The following GJC3 variants were observed in gnomAD, a reference collection of about 807,000 sequenced individuals.
GJC3 encodes gap junction protein gamma 3, also known as gap junction gamma-3 protein.
In GJC3, 17 loss-of-function variants were observed where a neutral mutation model predicts 19.8. The observed-to-expected ratio is 0.86, with a 90% CI of 0.59 to 1.29. The LOEUF (loss-of-function observed/expected upper bound fraction) is 1.29, where lower values mean the gene tolerates loss of function less well. Ranked by LOEUF, GJC3 falls within the 50% of genes most tolerant of loss-of-function variation. The pLI, the probability that GJC3 is intolerant of heterozygous loss-of-function variation, is 0.00. For synonymous variants in GJC3, 140 were observed against 136.5 expected (o/e 1.03, Z -0.18); for missense variants, 317 against 332.5 (o/e 0.95, Z 0.36).
At chr7:99,926,524 C>A (rs1310964927) in intron 1 of GJC3, among the ~76,000 whole-genome samples, 1 of 152,146 alleles carries the variant, frequency 6.6e-6, no homozygotes, top group African/African-American at 2.4e-5. Context: ...AATACTGAAA[C>A]ATGCCACAAC....
rs779792700 is a variant in GJC3, at chr7:99,923,343, C to A, written c.*202G>T. ...GAATAATTCCCCAAAGCAATGCCTCCCTGAGCAATGGTGCAAACATGGCTT... is the reference window on the plus strand; with the variant it reads ...GAATAATTCCCCAAAGCAATGCCTCACTGAGCAATGGTGCAAACATGGCTT... On this transcript the variant is annotated 3_prime_UTR_variant, in exon 2 of 2. Transcript: ENST00000312891. 1.6e-6 allele frequency: 1 copy of A among 617,956 alleles called. No individual in the cohort carries two copies. The allele number at this position is 617,956 out of a possible 1,614,324, so 38.3% of individuals were successfully genotyped here. A position where few individuals can be genotyped will look rare whatever the true frequency, so the allele number is the denominator to read the frequency against.
upstream of GJC3, chr7:99,929,783 T>C (rs1819870629): frequency 3.0e-6 from 2 of 666,318 alleles, no homozygotes; most frequent in African/African-American, 1.8e-5. Flanking sequence ...ATTGCACCTC[T>C]TTACTACTTA....
Position 99,929,411 on chromosome 7 carries a change from G to C in GJC3, c.210C>G (p.Pro70=), listed in dbSNP as rs772822105. 2.5e-5 allele frequency: 40 copies of C among 1,614,074 alleles called. No individual in the cohort carries two copies. Among genetic ancestry groups the C allele is most frequent in the East Asian group, 8.9e-5 (4 of 44,890 alleles). Residue 70 remains proline (P), a synonymous_variant, in exon 1 of 2, where the codon CCC becomes CCG. Coordinates refer to ENST00000312891, the MANE Select transcript of GJC3 (RefSeq NM_181538.3). The stretch of plus-strand genomic sequence containing the variant: ...AGACCCAGAAACGCAGCGGGGAGAG[G>C]GGGTGGAAGGCATCGAAGCAGGCAG... ...CKAACFDAFH[P]LSPLRFWVFQ...
Position 99,929,430 on chromosome 7 carries a change from C to A in GJC3, c.191G>T (p.Cys64Phe). The change falls in exon 1 of 2, where the codon TGC becomes TTC. Residue 64 changes from cysteine (C) to phenylalanine (F), a missense_variant. Transcript: ENST00000312891. ...GGAGAGGGGGTGGAAGGCATCGAAG[C>A]AGGCAGCCTTGCAGCCCGGCTGCTG... ...HTQQPGCKAA[C>F]FDAFHPLSPL... 11 of 1,613,952 alleles carry A rather than the reference C, an allele frequency of 6.8e-6. No individual in the cohort carries two copies. Among genetic ancestry groups the A allele is most frequent in the Non-Finnish European group, 9.3e-6 (11 of 1,179,832 alleles).
At chr7:99,923,693 C>T (rs1046238169) in intron 1 of GJC3, 90 bp from the exon 2 acceptor site, 6 of 731,206 alleles carry the variant, frequency 8.2e-6, no homozygotes, top group Admixed American at 1.9e-5. Flanking sequence ...CTGGGTTACA[C>T]TTTAGGTGCC....
intron 1 of GJC3, among the ~76,000 whole-genome samples, chr7:99,923,952 T>A (rs1438731088): frequency 6.6e-6 from 1 of 152,120 alleles, no homozygotes; most frequent in East Asian, 1.9e-4. Flanking sequence ...AAATCTCAAC[T>A]CACGTTGGGA....
intron 1 of GJC3, among the ~76,000 whole-genome samples, chr7:99,924,351 G>A (rs1041487089): frequency 2.6e-5 from 4 of 152,216 alleles, no homozygotes; most frequent in African/African-American, 9.7e-5. Context: ...CACTTTGGGA[G>A]GCTGAGTGGG....
chr7:99,929,564 G>C lies in GJC3; in HGVS notation c.57C>G (p.Pro19=). 1.2e-6 allele frequency: 2 copies of C among 1,612,464 alleles called. No individual in the cohort carries two copies. Among genetic ancestry groups the C allele is most frequent in the Non-Finnish European group, 1.7e-6 (2 of 1,179,838 alleles). ...LLAEESRRST[P]VGRLLLPVLL... Reference sequence around the variant, plus strand: ...GCACGGGAAGCAAGAGGCGCCCCACGGGGGTGGAGCGCCGGCTCTCCTCCG... The same window carrying C: ...GCACGGGAAGCAAGAGGCGCCCCACCGGGGTGGAGCGCCGGCTCTCCTCCG... The change falls in exon 1 of 2, where the codon CCC becomes CCG. Residue 19 remains proline (P), a synonymous_variant. Coordinates refer to ENST00000312891, the MANE Select transcript of GJC3 (RefSeq NM_181538.3).
upstream of GJC3, among the ~76,000 whole-genome samples, chr7:99,930,289 A>G (rs1819877651): frequency 6.6e-6 from 1 of 152,162 alleles, no homozygotes; most frequent in Non-Finnish European, 1.5e-5. Flanking sequence ...TAGGCCTTAC[A>G]AGCTGAGGAA....
chr7:99,929,767 A>C, upstream of GJC3: 1 of 715,970 alleles, frequency 1.4e-6, no homozygotes, highest in South Asian at 1.6e-5. Context: ...AAATACCAAG[A>C]CTCTGATTGC....
intron 1 of GJC3, among the ~76,000 whole-genome samples, chr7:99,923,916 A>G (rs1359068361): frequency 6.6e-6 from 1 of 152,228 alleles, no homozygotes; most frequent in African/African-American, 2.4e-5. Context: ...TACAATCGAT[A>G]TTAATTGGCA....
At chr7:99,924,463 C>T (rs1562784279) in intron 1 of GJC3, among the ~76,000 whole-genome samples, 1 of 152,196 alleles carries the variant, frequency 6.6e-6, no homozygotes, top group Non-Finnish European at 1.5e-5. Context: ...TGGTGCACGC[C>T]TGTAATCCCA....
Position 99,923,591 on chromosome 7 carries a change from C to G in GJC3, c.794G>C (p.Ser265Thr). 1 of 781,080 alleles carries G rather than the reference C, an allele frequency of 1.3e-6. No individual in the cohort carries two copies. Among genetic ancestry groups the G allele is most frequent in the Non-Finnish European group, 2.4e-6 (1 of 418,116 alleles). 48.4% of individuals were successfully genotyped at this position (781,080 alleles called of 1,614,324 possible). Residue 265 changes from serine to threonine, a missense_variant, in exon 2 of 2, where the codon AGC (serine) becomes ACC (threonine). Ser to Thr is a moderately conservative substitution (Grantham distance 58). Coordinates refer to ENST00000312891, the MANE Select transcript of GJC3 (RefSeq NM_181538.3). ...TGGTCTTTGTTTTTCCTGGGCTAAG[C>G]TTCTTCCTGGAACTTTTTAAAACAA... ...EQFQEAVPGR[S>T]LAQEKQRPVG...
intron 1 of GJC3, among the ~76,000 whole-genome samples, chr7:99,926,467 T>G (rs1819802082): frequency 6.6e-6 from 1 of 152,138 alleles, no homozygotes; most frequent in African/African-American, 2.4e-5. Context: ...AAACAAAATG[T>G]GGTATATCCT....
chr7:99,923,924 G>T (rs139642793), intron 1 of GJC3, among the ~76,000 whole-genome samples: 1 of 152,190 alleles, frequency 6.6e-6, no homozygotes, highest in Non-Finnish European at 1.5e-5. Context: ...ATATTAATTG[G>T]CAGGTGAAGA....
At position 99,923,590 on chromosome 7, in the gene GJC3, G is replaced by A. The variant is rs561099127; in HGVS notation, c.795C>T (p.Ser265=). 3.8e-6 allele frequency: 3 copies of A among 781,062 alleles called. No individual in the cohort carries two copies. In the African/African-American group the frequency reaches 5.1e-5, roughly 13 times the overall value. 48.4% of individuals were successfully genotyped at this position (781,062 alleles called of 1,614,324 possible). ...CTGGTCTTTGTTTTTCCTGGGCTAA[G>A]CTTCTTCCTGGAACTTTTTAAAACA... ...EQFQEAVPGR[S]LAQEKQRPVG... is the part of the protein sequence containing the mutation. The change falls in exon 2 of 2, where the codon AGC becomes AGT. Residue 265 remains serine (S), a synonymous_variant. Coordinates refer to ENST00000312891, the MANE Select transcript of GJC3 (RefSeq NM_181538.3).
At chr7:99,929,648 C>G (rs774688410), upstream of GJC3, 7 of 1,577,502 alleles carry the variant, frequency 4.4e-6, no homozygotes, top group Non-Finnish European at 6.0e-6. Context: ...GACAAGAGAT[C>G]AGTGTTGTTC....
rs553971791 is a variant in GJC3 at position 99,929,356 on chromosome 7, C to T, written c.265G>A (p.Ala89Thr). 7.4e-6 allele frequency: 12 copies of T among 1,614,124 alleles called. No homozygotes were observed. The highest frequency in any genetic ancestry group is 6.7e-5 in the East Asian group (3 of 44,874). Residue 89 changes from alanine to threonine, a missense_variant, in exon 1 of 2, where the codon GCC becomes ACC. By Grantham distance (58) the Ala-to-Thr change is moderately conservative (BLOSUM62 0). Coordinates refer to ENST00000312891, the MANE Select transcript of GJC3 (RefSeq NM_181538.3). ...FQVILVAVPS[A>T]LYMGFTLYHV... The stretch of plus-strand genomic sequence containing the variant: ...TACAGAGTGAAACCCATATAGAGGG[C>T]GCTGGGTACAGCCACCAAGATGACC...
chr7:99,923,305 A>G lies in GJC3; in HGVS notation c.*240T>C. ...GGGATTTTATTACTTGCGATAAGTA[A>G]GGAGGACACTGGGAATAATTCCCCA... On this transcript the variant is annotated 3_prime_UTR_variant, in exon 2 of 2. Coordinates refer to ENST00000312891, the MANE Select transcript of GJC3 (RefSeq NM_181538.3). 2 of 566,744 alleles carry G rather than the reference A, an allele frequency of 3.5e-6. No homozygotes were observed. Among genetic ancestry groups the G allele is most frequent in the Non-Finnish European group, 6.3e-6 (2 of 315,938 alleles). 35.1% of individuals were successfully genotyped at this position (566,744 alleles called of 1,614,324 possible).
Sources: gnomAD v4.1 joint callset for allele counts (sites outside exome capture counted in the v4.1 genomes callset) on GRCh38, gnomAD v4.1.1 for gene constraint, MANE v1.5 for transcripts, NCBI Gene and HGNC (gene_info 2026-07-23, HGNC 2026-07-21) for gene names.